DDX47: variants seen among roughly 807,000 people sequenced by gnomAD.
DDX47 encodes probable ATP-dependent RNA helicase DDX47.
Under a neutral mutation model 58.8 loss-of-function variants are expected in DDX47, and 60 were observed. The observed-to-expected ratio is 1.02, with a 90% confidence interval of 0.83 to 1.26. DDX47 has a LOEUF of 1.26. DDX47 is among the 50% of genes most tolerant of loss of function. The probability of loss-of-function intolerance (pLI) is 0.00; values close to 1 mark genes in which losing one functional copy is unlikely to be tolerated. For synonymous variants in DDX47, 197 were observed against 204.6 expected (o/e 0.96, Z 0.32); for missense variants, 530 against 573.2 (o/e 0.92, Z 0.77).
rs1451404006 is a variant in DDX47 at position 12,814,127 on chromosome 12, C to A, written c.88-4C>A. 6.2e-7 allele frequency: 1 copy of A among 1,609,072 alleles called. No homozygotes were observed. The highest frequency in any genetic ancestry group is 8.5e-7 in the Non-Finnish European group (1 of 1,175,766). ...GGCTAAGGTATATTTTTCTGAATTC[C>A]AAGGGTGTGACAGATGTGTTGTGTG... On this transcript the variant is annotated splice_region_variant and splice_polypyrimidine_tract_variant and intron_variant, in intron 1 of 11. Transcript: ENST00000358007.
At position 12,821,211 on chromosome 12, in the gene DDX47, G is replaced by C; in HGVS notation, c.185G>C (p.Arg62Pro). 1.2e-6 allele frequency: 2 copies of C among 1,614,118 alleles called. No homozygotes were observed. The highest frequency in any genetic ancestry group is 1.7e-6 in the Non-Finnish European group (2 of 1,180,010). ...GTTGAATTTCTTTTTCTTTTAGGTCGTGATATCATTGGGCTTGCAGAAACT... is the reference window on the plus strand; with the variant it reads ...GTTGAATTTCTTTTTCTTTTAGGTCCTGATATCATTGGGCTTGCAGAAACT... ...IEAIPLALQG[R>P]DIIGLAETGS... The change falls in exon 3 of 12, where the codon CGT (arginine) becomes CCT (proline). Residue 62 changes from arginine to proline, a missense_variant. Physicochemically the swap from Arg to Pro is moderately radical, Grantham distance 103. Coordinates refer to ENST00000358007, the MANE Select transcript of DDX47 (RefSeq NM_016355.4).
chr12:12,824,284 G>A (rs1420136096), intron 8 of DDX47: 1 of 564,552 alleles, frequency 1.8e-6, no homozygotes, highest in Non-Finnish European at 3.0e-6. Flanking sequence ...AATGACTCTG[G>A]CCTCTAAAAA....
At chr12:12,827,876 C>T (rs71433476) in intron 11 of DDX47, among the ~76,000 whole-genome samples, 75,075 of 131,172 alleles carry the variant, frequency 0.57, 21,559 homozygotes, top group Admixed American at 0.64. Flanking sequence ...TTTCTTTTTT[C>T]TTTTTTTTTT....
At chr12:12,818,185 A>C (rs1462365749) in intron 2 of DDX47, among the ~76,000 whole-genome samples, 2 of 152,126 alleles carry the variant, frequency 1.3e-5, no homozygotes, top group Non-Finnish European at 2.9e-5. Flanking sequence ...GATGAGTGAG[A>C]CATTTTATCC....
chr12:12,828,283 G>T (rs1296352401), intron 11 of DDX47, among the ~76,000 whole-genome samples: 1 of 151,992 alleles, frequency 6.6e-6, no homozygotes, highest in African/African-American at 2.4e-5. Context: ...TTAAAAATAT[G>T]ATGTAAAATT....
At chr12:12,822,359 C>G (rs1039276301) in intron 5 of DDX47, among the ~76,000 whole-genome samples, 2 of 152,224 alleles carry the variant, frequency 1.3e-5, no homozygotes, top group Middle Eastern at 3.4e-3. Context: ...TCTTTGATGA[C>G]CCACTAATCC....
At chr12:12,827,429 C>A in intron 11 of DDX47, 54 bp downstream of exon 11, 1 of 1,589,204 alleles carries the variant, frequency 6.3e-7, no homozygotes. Context: ...TAACTGTGTG[C>A]CACTTTATTA....
chr12:12,822,224 A>C, intron 5 of DDX47, 141 bp downstream of exon 5: 3 of 613,224 alleles, frequency 4.9e-6, no homozygotes, highest in Non-Finnish European at 5.8e-6. Context: ...GCAGTTTCTC[A>C]GCACCCTTTT....
chr12:12,813,661 C>G (rs1381443228), intron 1 of DDX47: 9 of 599,704 alleles, frequency 1.5e-5, no homozygotes, highest in Non-Finnish European at 2.7e-5. Context: ...CCCCTATTTG[C>G]CCTATTCGCC....
At chr12:12,817,317 A>G (rs1862911268) in intron 2 of DDX47, among the ~76,000 whole-genome samples, 1 of 152,198 alleles carries the variant, frequency 6.6e-6, no homozygotes, top group South Asian at 2.1e-4. Flanking sequence ...GGCTAAGGTC[A>G]CCTAACTAAT....
At chr12:12,818,259 C>G (rs531740478) in intron 2 of DDX47, among the ~76,000 whole-genome samples, 2 of 152,278 alleles carry the variant, frequency 1.3e-5, no homozygotes, top group South Asian at 4.1e-4. Context: ...TGGTGGCTCA[C>G]GCCTGTAATC....
chr12:12,823,795 C>G, intron 7 of DDX47, 75 bp from the exon 8 acceptor site: 1 of 1,441,328 alleles, frequency 6.9e-7, no homozygotes, highest in East Asian at 2.3e-5. Flanking sequence ...TTAGTCTTTA[C>G]CTTATGTATA....
chr12:12,822,033 T>C lies in DDX47; in HGVS notation c.511T>C (p.Leu171=), dbSNP rs751608372. ...KGFNLRALKY[L]VMDEADRILN... Reference sequence around the variant, plus strand: ...TTTCAACTTGAGAGCTCTCAAATACTTGGTCATGGATGAAGCCGACCGAAT... The same window carrying C: ...TTTCAACTTGAGAGCTCTCAAATACCTGGTCATGGATGAAGCCGACCGAAT... Residue 171 remains leucine (L), a synonymous_variant, in exon 5 of 12, where the codon TTG becomes CTG. Coordinates refer to ENST00000358007, the MANE Select transcript of DDX47 (RefSeq NM_016355.4). The C allele has an allele frequency of 1.9e-6, 3 of 1,614,112 alleles. No individual in the cohort carries two copies. Among genetic ancestry groups the C allele is most frequent in the South Asian group, 2.2e-5 (2 of 91,072 alleles).
chr12:12,827,616 G>A (rs1274626880), intron 11 of DDX47, among the ~76,000 whole-genome samples: 2 of 152,152 alleles, frequency 1.3e-5, no homozygotes, highest in Non-Finnish European at 2.9e-5. Context: ...TTCATGTGTC[G>A]CACGTGGTGA....
chr12:12,829,286 G>A, intron 11 of DDX47, 137 bp from the exon 12 acceptor site: 1 of 839,252 alleles, frequency 1.2e-6, no homozygotes, highest in African/African-American at 1.7e-5. Context: ...TATATTTGGA[G>A]TTGGGTCTTG....
intron 2 of DDX47, among the ~76,000 whole-genome samples, chr12:12,815,733 A>G (rs1862885497): frequency 6.6e-6 from 1 of 152,138 alleles, no homozygotes; most frequent in African/African-American, 2.4e-5. Context: ...TACTTAGCAG[A>G]GTGGTGAAAA....
Position 12,826,133 on chromosome 12 carries a change from G to T in DDX47, c.1106+63G>T, listed in dbSNP as rs75543878. 7,920 of 1,404,252 alleles carry T rather than the reference G, an allele frequency of 5.6e-3. 310 individuals are homozygous for T. In the African/African-American group the frequency reaches 0.092, roughly 16 times the overall value. 87.0% of individuals were successfully genotyped at this position (1,404,252 alleles called of 1,614,324 possible). ...AAAGAGCAGAACTTTCAAGCCACTG[G>T]CTGAGAACCTGACACTACCATTTAC... On this transcript the variant is annotated intron_variant, in intron 10 of 11. Coordinates refer to ENST00000358007, the MANE Select transcript of DDX47 (RefSeq NM_016355.4).
intron 9 of DDX47, 79 bp from the exon 10 acceptor site, chr12:12,825,921 G>T: frequency 9.3e-7 from 1 of 1,069,882 alleles, no homozygotes. Flanking sequence ...CAAAGGTTTT[G>T]CAGCAGGACT....
At chr12:12,813,664 T>C in intron 1 of DDX47, 1 of 598,064 alleles carries the variant, frequency 1.7e-6, no homozygotes. Context: ...CTATTTGCCC[T>C]ATTCGCCACT....
Sources: allele counts gnomAD v4.1 joint callset (sites outside exome capture counted in the v4.1 genomes callset), GRCh38; gene constraint gnomAD v4.1.1; transcripts MANE v1.5; gene names NCBI Gene and HGNC (gene_info 2026-07-23, HGNC 2026-07-21).